The following HDAC9 variants were observed in gnomAD, a reference collection of about 807,000 sequenced individuals.
HDAC9 encodes the protein MEF-2 interacting transcription repressor (MITR) protein.
In HDAC9, 41 loss-of-function variants were observed where a neutral mutation model predicts 139.4. That is an observed-to-expected ratio of 0.29 (90% confidence interval 0.23 to 0.38). The LOEUF (loss-of-function observed/expected upper bound fraction) is 0.38, where lower values mean the gene tolerates loss of function less well. HDAC9 is among the 10% of genes least tolerant of loss of function. The pLI, the probability that HDAC9 is intolerant of heterozygous loss-of-function variation, is 1.00. For missense variants in HDAC9, 1,147 were observed against 1,297.0 expected, an observed-to-expected ratio of 0.88 and a Z score of 1.78; for synonymous variants, 517 against 476.2, an observed-to-expected ratio of 1.09 and a Z score of -1.12.
At chr7:18,425,728 T>G (rs1490277633) in intron 1 of HDAC9, among the ~76,000 whole-genome samples, 1 of 152,150 alleles carries the variant, frequency 6.6e-6, no homozygotes, top group African/African-American at 2.4e-5. Flanking sequence ...ATAGAAAAGA[T>G]TGAGAGGAAA....
At chr7:18,168,796 C>T (rs1788176148) in intron 2 of HDAC9, among the ~76,000 whole-genome samples, 1 of 149,698 alleles carries the variant, frequency 6.7e-6, no homozygotes, top group Admixed American at 6.7e-5. Flanking sequence ...CTGCCTCTAA[C>T]TTGTTGTAGG....
At chr7:18,335,378 G>T (rs1330298643) in intron 1 of HDAC9, among the ~76,000 whole-genome samples, 1 of 151,454 alleles carries the variant, frequency 6.6e-6, no homozygotes, top group Non-Finnish European at 1.5e-5. Context: ...GTAGGACGGT[G>T]ACCCAGAGAT....
chr7:18,218,271 C>T (rs1350194182), intron 2 of HDAC9, among the ~76,000 whole-genome samples: 1 of 151,986 alleles, frequency 6.6e-6, no homozygotes, highest in Non-Finnish European at 1.5e-5. Context: ...TGGTAAAACT[C>T]CGTCTCTACT....
intron 25 of HDAC9, among the ~76,000 whole-genome samples, chr7:18,991,452 A>G (rs185249785): frequency 8.8e-4 from 134 of 152,256 alleles, no homozygotes; most frequent in African/African-American, 3.1e-3. Context: ...CCTGGCTAAC[A>G]CGGTGAAACC....
intron 13 of HDAC9, among the ~76,000 whole-genome samples, chr7:18,742,248 T>G (rs755546508): frequency 6.6e-6 from 1 of 152,210 alleles, no homozygotes; most frequent in East Asian, 1.9e-4. Flanking sequence ...GCAAACTTCA[T>G]TGTTATCTTG....
chr7:18,308,789 T>C (rs1799099646), intron 1 of HDAC9, among the ~76,000 whole-genome samples: 1 of 152,202 alleles, frequency 6.6e-6, no homozygotes, highest in African/African-American at 2.4e-5. Flanking sequence ...CTTGCTGTTC[T>C]CTAATTTAAA....
chr7:18,114,890 C>T (rs1000036767), intron 1 of HDAC9, among the ~76,000 whole-genome samples: 2 of 152,190 alleles, frequency 1.3e-5, no homozygotes, highest in Admixed American at 6.5e-5. Context: ...ATGTTAGCCT[C>T]TTCGCAGCTA....
At chr7:18,891,798 C>A (rs2190277) in intron 22 of HDAC9, among the ~76,000 whole-genome samples, 33,283 of 152,018 alleles carry the variant, frequency 0.22, 3,781 homozygotes, top group South Asian at 0.33. Flanking sequence ...CAGCCCTAGA[C>A]CCACCTTCCA....
chr7:18,329,235 T>C (rs1488531056), intron 1 of HDAC9, among the ~76,000 whole-genome samples: 1 of 151,714 alleles, frequency 6.6e-6, no homozygotes, highest in African/African-American at 2.4e-5. Flanking sequence ...TATCAAAGGG[T>C]ACAAAATTTT....
At chr7:18,750,139 A>G (rs1382535564) in intron 14 of HDAC9, among the ~76,000 whole-genome samples, 1 of 152,220 alleles carries the variant, frequency 6.6e-6, no homozygotes, top group Non-Finnish European at 1.5e-5. Flanking sequence ...GCACTTGCCT[A>G]CGTATGATAG....
intron 21 of HDAC9, among the ~76,000 whole-genome samples, chr7:18,837,205 T>G (rs1796296188): frequency 6.6e-6 from 1 of 151,452 alleles, no homozygotes; most frequent in East Asian, 1.9e-4. Context: ...ATGTGTACTT[T>G]GGGAAAAAAT....
intron 6 of HDAC9, among the ~76,000 whole-genome samples, chr7:18,606,099 C>T (rs1213998531): frequency 1.3e-5 from 2 of 152,228 alleles, no homozygotes; most frequent in African/African-American, 4.8e-5. Context: ...CCATTGGCTT[C>T]TGCTCACTGT....
intron 17 of HDAC9, among the ~76,000 whole-genome samples, chr7:18,827,278 G>T (rs1585111664): frequency 1.3e-5 from 2 of 151,818 alleles, no homozygotes; most frequent in Admixed American, 1.3e-4. Flanking sequence ...CATGGTATTT[G>T]GTTTTCCCTA....
chr7:18,435,717 G>A (rs1050626394), intron 1 of HDAC9, among the ~76,000 whole-genome samples: 1 of 151,418 alleles, frequency 6.6e-6, no homozygotes, highest in Non-Finnish European at 1.5e-5. Context: ...TTATGCATTT[G>A]TGCAAGCTCA....
chr7:18,908,736 T>C (rs1802492408), intron 22 of HDAC9, among the ~76,000 whole-genome samples: 1 of 152,100 alleles, frequency 6.6e-6, no homozygotes, highest in Non-Finnish European at 1.5e-5. Context: ...TTTCATTCTT[T>C]CATTCTGTTT....
rs547479317 is a variant in HDAC9 at position 18,802,307 on chromosome 7, G to A, written c.2322+8855G>A. ...AATGTGTATTTTTAAATTTCCAAAC[G>A]TATGAGTGTTTTAGTCACAATTTTT... On this transcript the variant is annotated intron_variant, in intron 17 of 25. Transcript: ENST00000686413. 6.6e-5 allele frequency among the ~76,000 whole-genome samples: 10 copies of A among 151,768 alleles called. No individual in the cohort carries two copies. In the East Asian group the frequency reaches 1.7e-3, roughly 26 times the overall value.
intron 1 of HDAC9, among the ~76,000 whole-genome samples, chr7:18,093,320 A>G (rs1782288677): frequency 6.6e-6 from 1 of 152,168 alleles, no homozygotes; most frequent in African/African-American, 2.4e-5. Flanking sequence ...GAAGTCTTGT[A>G]GTACACATCC....
chr7:18,727,040 T>C (rs1329392254), intron 12 of HDAC9, among the ~76,000 whole-genome samples: 2 of 152,254 alleles, frequency 1.3e-5, no homozygotes, highest in Admixed American at 1.3e-4. Context: ...ATATTCATTT[T>C]CTTCTATACC....
chr7:18,916,754 C>T (rs1272101702), intron 22 of HDAC9, among the ~76,000 whole-genome samples: 2 of 151,854 alleles, frequency 1.3e-5, no homozygotes, highest in African/African-American at 4.8e-5. Flanking sequence ...CACAAACAAC[C>T]AAAAAGTGTA....
Sources: gnomAD v4.1 joint callset for allele counts (sites outside exome capture counted in the v4.1 genomes callset) on GRCh38, gnomAD v4.1.1 for gene constraint, MANE v1.5 for transcripts, NCBI Gene and HGNC (gene_info 2026-07-23, HGNC 2026-07-21) for gene names.